The following NUDT4 variants were observed in gnomAD, a reference collection of about 807,000 sequenced individuals.
NUDT4 encodes nudix hydrolase 4, also known as diphosphoinositol polyphosphate phosphohydrolase 2.
A neutral mutation model predicts 23.1 loss-of-function variants in NUDT4; 5 were observed. That is an observed-to-expected ratio of 0.22 (90% CI 0.11 to 0.46). The LOEUF is 0.46. Ranked by LOEUF, NUDT4 falls within the 20% of genes least tolerant of loss-of-function variation. The pLI is 0.99. For missense variants in NUDT4, 96 were observed against 211.6 expected, an observed-to-expected ratio of 0.45 and a Z score of 3.39; for synonymous variants, 50 against 79.0, an observed-to-expected ratio of 0.63 and a Z score of 1.95.
At position 93,407,411 on chromosome 12, in the gene NUDT4, G is replaced by C. The variant is rs1436758511; in HGVS notation, c.*8032G>C. On this transcript the variant is annotated 3_prime_UTR_variant, in exon 5 of 5. Transcript: ENST00000415493. ...TCCCCAACAACTAGTGGGCAAACAT[G>C]AAACACTTTTGTTGAATAATGTGTT... The C allele has an allele frequency of 1.3e-5, 2 of 152,192 alleles. No individual in the cohort carries two copies. The highest frequency in any genetic ancestry group is 2.4e-5 in the African/African-American group (1 of 41,430). The allele number at this position is 152,192 out of a possible 1,614,324, so 9.4% of individuals were successfully genotyped here. A position where few individuals can be genotyped will look rare whatever the true frequency, so the allele number is the denominator to read the frequency against.
chr12:93,380,830 CCT>C (rs1875610750), intron 1 of NUDT4, among the ~76,000 whole-genome samples: 2 of 152,192 alleles, frequency 1.3e-5, no homozygotes, highest in African/African-American at 2.4e-5. Context: ...CTTGAGCCCA[CCT>C]CTCTAGTTAA....
intron 1 of NUDT4, among the ~76,000 whole-genome samples, chr12:93,389,284 C>A (rs1272272259): frequency 1.3e-5 from 2 of 151,976 alleles, no homozygotes; most frequent in Non-Finnish European, 2.9e-5. Context: ...ACCAGCCTGA[C>A]CAGCATGGAG....
intron 1 of NUDT4, among the ~76,000 whole-genome samples, chr12:93,387,300 A>G (rs1307122800): frequency 1.3e-5 from 2 of 152,174 alleles, no homozygotes; most frequent in African/African-American, 2.4e-5. Context: ...GTAGTTCCAT[A>G]AAAATGTAGT....
intron 4 of NUDT4, 74 bp downstream of exon 4, chr12:93,398,929 TC>T: frequency 9.1e-7 from 1 of 1,097,680 alleles, no homozygotes. Flanking sequence ...ATAGGTAAGT[TC>T]CCTTTTGTTA....
At chr12:93,388,095 A>G (rs140876783) in intron 1 of NUDT4, among the ~76,000 whole-genome samples, 1 of 152,222 alleles carries the variant, frequency 6.6e-6, no homozygotes, top group Admixed American at 6.5e-5. Flanking sequence ...ACCTCTTTTC[A>G]TAAGCTAGTT....
chr12:93,395,638 C>G, intron 3 of NUDT4, 105 bp downstream of exon 3: 1 of 888,318 alleles, frequency 1.1e-6, no homozygotes, highest in Non-Finnish European at 1.9e-6. Flanking sequence ...TTCTCTCAGA[C>G]TAGCAGTAGG....
chr12:93,398,856 G>C lies in NUDT4; in HGVS notation c.340+1G>C. 1 of 1,527,180 alleles carries C rather than the reference G, an allele frequency of 6.5e-7. No individual in the cohort carries two copies. The highest frequency in any genetic ancestry group is 9.1e-7 in the Non-Finnish European group (1 of 1,103,136). 94.6% of individuals were successfully genotyped at this position (1,527,180 alleles called of 1,614,324 possible). Reference sequence around the variant, plus strand: ...GATTGGGAAGATTCTGTTAATATTGGTAAGTTCCCTTTTGTTATCTGAATA... The same window carrying C: ...GATTGGGAAGATTCTGTTAATATTGCTAAGTTCCCTTTTGTTATCTGAATA... On this transcript the variant is annotated splice_donor_variant, in intron 4 of 4. Coordinates refer to ENST00000415493, the MANE Select transcript of NUDT4 (RefSeq NM_019094.6). LOFTEE classifies it high-confidence loss of function.
chr12:93,381,596 A>G (rs916587685), intron 1 of NUDT4, among the ~76,000 whole-genome samples: 1 of 152,216 alleles, frequency 6.6e-6, no homozygotes, highest in African/African-American at 2.4e-5. Flanking sequence ...TCTGGGGTTC[A>G]GATCCAATGT....
chr12:93,390,516 T>TA (rs779554212), intron 1 of NUDT4, among the ~76,000 whole-genome samples: 189 of 152,340 alleles, frequency 1.2e-3, no homozygotes, highest in Non-Finnish European at 2.1e-3. Flanking sequence ...AATTTGAACT[T>TA]AGAGACCCTT....
At chr12:93,394,577 C>G (rs1282473464) in intron 1 of NUDT4, 32 bp from the exon 2 acceptor site, 3 of 1,272,022 alleles carry the variant, frequency 2.4e-6, no homozygotes, top group Non-Finnish European at 3.4e-6. Context: ...GCTTCTCAGG[C>G]TGGAAGTATA....
chr12:93,394,350 A>G (rs948489765), intron 1 of NUDT4, among the ~76,000 whole-genome samples: 13 of 152,156 alleles, frequency 8.5e-5, no homozygotes, highest in Non-Finnish European at 1.8e-4. Flanking sequence ...TGAGAGTTTT[A>G]CCACCAGTAG....
intron 1 of NUDT4, among the ~76,000 whole-genome samples, chr12:93,379,996 C>A (rs1262536883): frequency 2.6e-5 from 4 of 152,126 alleles, no homozygotes; most frequent in Non-Finnish European, 5.9e-5. Flanking sequence ...ACATTTAATC[C>A]TTTTAACACT....
Position 93,408,010 on chromosome 12 carries a change from G to C in NUDT4, c.*8631G>C, listed in dbSNP as rs925837624. ...ACTTCTATAACTCACAAATTTAGCA[G>C]ACATCATTTAGACATTTTTGTAGTG... On this transcript the variant is annotated 3_prime_UTR_variant, in exon 5 of 5. Coordinates refer to ENST00000415493, the MANE Select transcript of NUDT4 (RefSeq NM_019094.6). 2.6e-5 allele frequency: 4 copies of C among 152,196 alleles called. No individual in the cohort carries two copies. The highest frequency in any genetic ancestry group is 9.6e-5 in the African/African-American group (4 of 41,452). The allele number at this position is 152,196 out of a possible 1,614,324, so 9.4% of individuals were successfully genotyped here. A position where few individuals can be genotyped will look rare whatever the true frequency, so the allele number is the denominator to read the frequency against.
chr12:93,406,590 A>C lies in NUDT4; in HGVS notation c.*7211A>C, dbSNP rs909179098. ...ATGGGTTCCACTTCCGTGGATTCAA[A>C]CAACCAGACAAAATATTCCAAAAAA... On this transcript the variant is annotated 3_prime_UTR_variant, in exon 5 of 5. Transcript: ENST00000415493. The C allele has an allele frequency of 9.2e-5, 14 of 152,374 alleles. No individual in the cohort carries two copies. The highest frequency in any genetic ancestry group is 3.9e-4 in the East Asian group (2 of 5,194). 9.4% of individuals were successfully genotyped at this position (152,374 alleles called of 1,614,324 possible).
intron 1 of NUDT4, among the ~76,000 whole-genome samples, chr12:93,382,493 A>G (rs1875740153): frequency 6.6e-6 from 1 of 152,096 alleles, no homozygotes; most frequent in Admixed American, 6.6e-5. Flanking sequence ...GAGCAACAAT[A>G]CTAATTCAAA....
At chr12:93,391,985 G>A (rs564999303) in intron 1 of NUDT4, among the ~76,000 whole-genome samples, 2 of 152,116 alleles carry the variant, frequency 1.3e-5, no homozygotes, top group East Asian at 3.9e-4. Flanking sequence ...CTGAATTCAA[G>A]CAATTCTTGT....
At chr12:93,392,898 G>C (rs12811442) in intron 1 of NUDT4, among the ~76,000 whole-genome samples, 1 of 133,018 alleles carries the variant, frequency 7.5e-6, no homozygotes, top group Non-Finnish European at 1.6e-5. Context: ...CCAGGCTGGT[G>C]TGGAACTCCT....
At chr12:93,386,910 C>G (rs1012459164) in intron 1 of NUDT4, among the ~76,000 whole-genome samples, 10 of 152,020 alleles carry the variant, frequency 6.6e-5, no homozygotes, top group African/African-American at 2.4e-4. Flanking sequence ...CTCTGGAAAA[C>G]AATACTGAAT....
rs1875411098 is a variant in NUDT4 at position 93,378,808 on chromosome 12, GCCCTTGTGCC to G, written c.99+388_99+397del. On this transcript the variant is annotated intron_variant, in intron 1 of 4. Transcript: ENST00000415493. ...GAAATGGCGTGAGTGTTGCAGCAGA[GCCCTTGTGCC>G]TCTTTTACATATTTTCCTTCCATGT... 15 of 996,478 alleles carry G rather than the reference GCCCTTGTGCC, an allele frequency of 1.5e-5. No individual in the cohort carries two copies. In the South Asian group the frequency reaches 5.6e-4, roughly 37 times the overall value. 61.7% of individuals were successfully genotyped at this position (996,478 alleles called of 1,614,324 possible).
Sources: allele counts gnomAD v4.1 joint callset (sites outside exome capture counted in the v4.1 genomes callset), GRCh38; gene constraint gnomAD v4.1.1; transcripts MANE v1.5; gene names NCBI Gene and HGNC (gene_info 2026-07-23, HGNC 2026-07-21).